CPSF4: variants seen among roughly 807,000 people sequenced by gnomAD.
CPSF4 encodes cleavage and polyadenylation specific factor 4, also known as cleavage and polyadenylation specificity factor subunit 4.
Under a neutral mutation model 37.7 loss-of-function variants are expected in CPSF4, and 11 were observed. That is an observed-to-expected ratio of 0.29 (90% CI 0.18 to 0.48). The LOEUF is 0.48. Ranked by LOEUF, CPSF4 falls within the 20% of genes least tolerant of loss-of-function variation. The pLI, the probability that CPSF4 is intolerant of heterozygous loss-of-function variation, is 0.99. For missense variants in CPSF4, 144 were observed against 359.5 expected, an observed-to-expected ratio of 0.40 and a Z score of 4.85; for synonymous variants, 132 against 135.9, an observed-to-expected ratio of 0.97 and a Z score of 0.20.
chr7:99,453,944 C>A lies in CPSF4; in HGVS notation c.571-22C>A. On this transcript the variant is annotated intron_variant, in intron 6 of 7. Coordinates refer to ENST00000292476, the MANE Select transcript of CPSF4 (RefSeq NM_006693.4). The surrounding 1 kb of genome is among the most constrained non-coding windows in gnomAD (Gnocchi z 4.7). ...GTGCACGTGTTTTCCACAGTAAAAC[C>A]GTGTTGTGTAACTCTTTCCAGCAAA... 6.2e-7 allele frequency: 1 copy of A among 1,611,046 alleles called. No homozygotes were observed. Among genetic ancestry groups the A allele is most frequent in the Non-Finnish European group, 8.5e-7 (1 of 1,177,796 alleles).
intron 1 of CPSF4, 50 bp downstream of exon 1, chr7:99,439,235 C>T (rs1481370214): frequency 7.2e-7 from 1 of 1,393,480 alleles, no homozygotes; most frequent in Non-Finnish European, 9.8e-7. Flanking sequence ...AACCCGGGAC[C>T]CGCTCCTCTG....
At position 99,443,413 on chromosome 7, in the gene CPSF4, C is replaced by G. The variant is rs1797198368; in HGVS notation, c.104-1376C>G. On this transcript the variant is annotated intron_variant, in intron 1 of 7. Transcript: ENST00000292476. ...CTGTGGATAAGATCTTGCTTTATTC[C>G]CTTGGTCTCCAAACCACAAGAAGAC... The G allele has an allele frequency of 2.1e-6, 3 of 1,452,242 alleles. No individual in the cohort carries two copies. The African/African-American group carries it at 4.2e-5, about 21-fold the overall frequency. 90.0% of individuals were successfully genotyped at this position (1,452,242 alleles called of 1,614,324 possible). A position where few individuals can be genotyped will look rare whatever the true frequency, so the allele number is the denominator to read the frequency against.
intron 2 of CPSF4, chr7:99,447,804 T>C (rs1011682122): frequency 1.9e-5 from 9 of 468,574 alleles, no homozygotes; most frequent in African/African-American, 1.6e-4. Context: ...ACAGCCAGGA[T>C]GGTCTCCGTG....
In CPSF4 at chr7:99,448,315, G is replaced by A. The variant is rs1278695374; in HGVS notation, c.307+42G>A. On this transcript the variant is annotated intron_variant, in intron 3 of 7. Coordinates refer to ENST00000292476, the MANE Select transcript of CPSF4 (RefSeq NM_006693.4). The surrounding 1 kb of genome is among the most constrained non-coding windows in gnomAD (Gnocchi z 4.4). ...CCTGGAGGCTCTGCTGAGAACCAGG[G>A]TGCAGAGGGGTCCGCTGGCTGCTCA... The A allele has an allele frequency of 6.2e-7, 1 of 1,606,108 alleles. No individual in the cohort carries two copies. Among genetic ancestry groups the A allele is most frequent in the African/African-American group, 1.3e-5 (1 of 74,672 alleles).
rs1470795357 is a variant in CPSF4 at position 99,439,172 on chromosome 7, C to T, written c.90C>T (p.Phe30=). 3.7e-6 allele frequency: 6 copies of T among 1,606,816 alleles called. 1 individual carries two copies. The South Asian group carries it at 6.6e-5, about 18-fold the overall frequency. ...AGCTGGGGGCGCAGCCGCTGCCCTT[C>T]CCCGGCATGGACAGTGAGCGCGGGG... ...EQQLGAQPLP[F]PGMDKSGAAV... is the part of the protein sequence containing the mutation. The change falls in exon 1 of 8, where the codon TTC becomes TTT. Residue 30 remains phenylalanine (F), a synonymous_variant. Transcript: ENST00000292476.
In CPSF4 at chr7:99,453,760, G is replaced by A. The variant is rs1417056490; in HGVS notation, c.571-206G>A. 1.2e-5 allele frequency: 7 copies of A among 570,074 alleles called. No homozygotes were observed. Among genetic ancestry groups the A allele is most frequent in the Middle Eastern group, 4.0e-4 (1 of 2,508 alleles). The allele number at this position is 570,074 out of a possible 1,614,324, so 35.3% of individuals were successfully genotyped here. A position where few individuals can be genotyped will look rare whatever the true frequency, so the allele number is the denominator to read the frequency against. On this transcript the variant is annotated intron_variant, in intron 6 of 7. Coordinates refer to ENST00000292476, the MANE Select transcript of CPSF4 (RefSeq NM_006693.4). This position sits in a 1 kb window ranked among gnomAD's most constrained non-coding sequence, Gnocchi z 4.7. ...TTTCTATTTTATTTTTCGTTTTTGT[G>A]TGTCTGCATGGTGTTTTTCGGGCAG... is the stretch of plus-strand genomic sequence containing the variant.
In CPSF4 at chr7:99,448,938, C is replaced by T. The variant is rs1026736569; in HGVS notation, c.307+665C>T. On this transcript the variant is annotated intron_variant, in intron 3 of 7. Coordinates refer to ENST00000292476, the MANE Select transcript of CPSF4 (RefSeq NM_006693.4). This position sits in a 1 kb window ranked among gnomAD's most constrained non-coding sequence, Gnocchi z 4.4. ...TTAGAGAATGCGTGGCCTCAGCTGT[C>T]CTGAGTGGCCTGCGTGGAGAAGCGG... 6.5e-6 allele frequency: 1 copy of T among 152,740 alleles called. No homozygotes were observed. The allele number at this position is 152,740 out of a possible 1,614,324, so 9.5% of individuals were successfully genotyped here. A position where few individuals can be genotyped will look rare whatever the true frequency, so the allele number is the denominator to read the frequency against.
rs750955832 is a variant in CPSF4 at position 99,454,032 on chromosome 7, C to T, written c.637C>T (p.Pro213Ser). ...LIQLTSQNSS[P>S]NQQRTPQVIG... ...CCAGTTAACGAGTCAGAACTCTTCT[C>T]CCAATCAGCAGAGAACCCCGCAGGT... The change falls in exon 7 of 8, where the codon CCC (proline) becomes TCC (serine). Residue 213 changes from proline (P) to serine (S), a missense_variant. Transcript: ENST00000292476. 7 of 1,614,114 alleles carry T rather than the reference C, an allele frequency of 4.3e-6. No individual in the cohort carries two copies. In the Admixed American group the frequency reaches 1.2e-4, roughly 27 times the overall value.
At chr7:99,439,515 A>G (rs1796688844) in intron 1 of CPSF4, 1 of 268,334 alleles carries the variant, frequency 3.7e-6, no homozygotes, top group Admixed American at 5.2e-5. Flanking sequence ...CCCCATTTCC[A>G]CCGTCTGGGG....
chr7:99,443,454 T>G, intron 1 of CPSF4: 1 of 1,117,712 alleles, frequency 8.9e-7, no homozygotes, highest in Admixed American at 1.7e-5. Flanking sequence ...TGCTTTAGTT[T>G]AGCAAGCTTC....
In CPSF4 at chr7:99,448,480, T is replaced by A. The variant is rs1377768628; in HGVS notation, c.307+207T>A. 7.4e-5 allele frequency: 34 copies of A among 461,162 alleles called. No homozygotes were observed. In the Middle Eastern group the frequency reaches 1.8e-3, roughly 24 times the overall value. The allele number at this position is 461,162 out of a possible 1,614,324, so 28.6% of individuals were successfully genotyped here. Reference sequence around the variant, plus strand: ...ATCTCTTTTTTTTTTTTTTTTTTTTTAAAGACATAGGGTCTCGCTATGTTT... The same window carrying A: ...ATCTCTTTTTTTTTTTTTTTTTTTTAAAAGACATAGGGTCTCGCTATGTTT... On this transcript the variant is annotated intron_variant, in intron 3 of 7. Transcript: ENST00000292476. The surrounding 1 kb of genome is among the most constrained non-coding windows in gnomAD (Gnocchi z 4.4).
At position 99,453,933 on chromosome 7, in the gene CPSF4, C is replaced by T. The variant is rs1276945187; in HGVS notation, c.571-33C>T. 1 of 1,603,916 alleles carries T rather than the reference C, an allele frequency of 6.2e-7. No individual in the cohort carries two copies. On this transcript the variant is annotated intron_variant, in intron 6 of 7. Coordinates refer to ENST00000292476, the MANE Select transcript of CPSF4 (RefSeq NM_006693.4). This position sits in a 1 kb window ranked among gnomAD's most constrained non-coding sequence, Gnocchi z 4.7. Reference sequence around the variant, plus strand: ...CGGTAGTCTGCGTGCACGTGTTTTCCACAGTAAAACCGTGTTGTGTAACTC... The same window carrying T: ...CGGTAGTCTGCGTGCACGTGTTTTCTACAGTAAAACCGTGTTGTGTAACTC...
intron 1 of CPSF4, among the ~76,000 whole-genome samples, chr7:99,440,947 CT>C (rs555082595): frequency 0.012 from 1,428 of 120,256 alleles, 14 homozygotes; most frequent in African/African-American, 0.042. Context: ...CTTTTCCTGT[CT>C]TTTTTTTTTT....
At chr7:99,439,265 C>T in intron 1 of CPSF4, 80 bp downstream of exon 1, 2 of 1,099,304 alleles carry the variant, frequency 1.8e-6, no homozygotes, top group Non-Finnish European at 2.6e-6. Context: ...GACTCCCTCG[C>T]CTCGGTCCTG....
intron 6 of CPSF4, 81 bp downstream of exon 6, chr7:99,452,521 T>G (rs1240045092): frequency 9.3e-6 from 12 of 1,290,998 alleles, no homozygotes; most frequent in Non-Finnish European, 1.1e-5. Flanking sequence ...GGGTGTGGTC[T>G]GCCTTAGACC....
chr7:99,446,808 TAA>T (rs1797539959), intron 2 of CPSF4, among the ~76,000 whole-genome samples: 1 of 128,226 alleles, frequency 7.8e-6, no homozygotes, highest in African/African-American at 3.3e-5. Flanking sequence ...TTTTTTTTTT[TAA>T]CGGAGTTTTG....
chr7:99,440,664 ATATATATATAT>A (rs1299674162), intron 1 of CPSF4, among the ~76,000 whole-genome samples: 7 of 88,972 alleles, frequency 7.9e-5, no homozygotes, highest in African/African-American at 6.4e-4. Context: ...GCATATATAT[ATATATATATAT>A]TTTTTTTTTT....
In CPSF4 at chr7:99,453,430, G is replaced by A. The variant is rs946372936; in HGVS notation, c.571-536G>A. Among the ~76,000 whole-genome samples the A allele has an allele frequency of 2.0e-5, 3 of 152,150 alleles. No homozygotes were observed. Among genetic ancestry groups the A allele is most frequent in the African/African-American group, 7.2e-5 (3 of 41,444 alleles). On this transcript the variant is annotated intron_variant, in intron 6 of 7. Coordinates refer to ENST00000292476, the MANE Select transcript of CPSF4 (RefSeq NM_006693.4). The surrounding 1 kb of genome is among the most constrained non-coding windows in gnomAD (Gnocchi z 4.7). ...TTTCTAGCTCGGGTTCTGCACTTACGGGCCAGAGCCAGGAGCCCACCTGGT... is the reference window on the plus strand; with the variant it reads ...TTTCTAGCTCGGGTTCTGCACTTACAGGCCAGAGCCAGGAGCCCACCTGGT...
intron 7 of CPSF4, among the ~76,000 whole-genome samples, chr7:99,455,259 G>A (rs553007247): frequency 2.0e-5 from 3 of 152,328 alleles, no homozygotes; most frequent in African/African-American, 7.2e-5. Flanking sequence ...GTAAGTCCTG[G>A]ATTCCCCAGA....
Sources: gnomAD v4.1 joint callset for allele counts (sites outside exome capture counted in the v4.1 genomes callset) on GRCh38, gnomAD v4.1.1 for gene constraint, Gnocchi (gnomAD v3.1) non-coding constraint, MANE v1.5 for transcripts, NCBI Gene and HGNC (gene_info 2026-07-23, HGNC 2026-07-21) for gene names.